FAM199X: variants seen among roughly 807,000 people sequenced by gnomAD.
FAM199X encodes family with sequence similarity 199, X-linked.
FAM199X carries 4 observed loss-of-function variants against 22.9 expected under a neutral mutation model. That is an observed-to-expected ratio of 0.17 (90% CI 0.09 to 0.40). FAM199X has a LOEUF of 0.40. Ranked by LOEUF, FAM199X falls within the 10% of genes least tolerant of loss-of-function variation. The pLI is 1.00. For missense variants in FAM199X, 183 were observed against 306.8 expected, an observed-to-expected ratio of 0.60 and a Z score of 3.01; for synonymous variants, 101 against 112.3, an observed-to-expected ratio of 0.90 and a Z score of 0.64.
intron 2 of FAM199X, among the ~76,000 whole-genome samples, chrX:104,177,517 A>G (rs1170129167): frequency 8.9e-6 from 1 of 111,964 alleles, no homozygotes; most frequent in Non-Finnish European, 1.9e-5. Flanking sequence ...ATCACTTGCT[A>G]TTTAACTTTT....
At chrX:104,161,702 G>A (rs1388678846), upstream of FAM199X, among the ~76,000 whole-genome samples, 5 of 110,492 alleles carry the variant, frequency 4.5e-5, no homozygotes, top group African/African-American at 1.3e-4. Context: ...TTAGCCGGGC[G>A]TGGTGGTTCA....
chrX:104,165,106 A>G (rs1389972511), upstream of FAM199X, among the ~76,000 whole-genome samples: 2 of 111,514 alleles, frequency 1.8e-5, no homozygotes, highest in Non-Finnish European at 3.8e-5. Flanking sequence ...ACAAACCATC[A>G]TCAGCCTCAC....
At chrX:104,183,445 T>G (rs1641774679) in intron 2 of FAM199X, among the ~76,000 whole-genome samples, 1 of 110,789 alleles carries the variant, frequency 9.0e-6, no homozygotes, top group African/African-American at 3.3e-5. Context: ...GCAGTGTTAG[T>G]TAATGAGATT....
the FAM199X span, among the ~76,000 whole-genome samples, chrX:104,159,201 A>G: frequency 1.8e-5 from 2 of 112,375 alleles, no homozygotes; most frequent in African/African-American, 3.2e-5. Flanking sequence ...CGAGCCAACA[A>G]GAGTGTCTCT....
In FAM199X at chrX:104,186,081, A is replaced by G; in HGVS notation, c.433A>G (p.Ile145Val). Residue 145 changes from isoleucine to valine, a missense_variant, in exon 3 of 6, where the codon ATT becomes GTT. This residue lies in a region of FAM199X where 128 missense variants were observed against 246.2 expected (regional missense o/e 0.52). Coordinates refer to ENST00000493442, the MANE Select transcript of FAM199X (RefSeq NM_207318.4). ...TTTTATAAAGTTACCAGGCAGTGACATTGCCAGTGGGAGTGATGTACTTTC... is the reference window on the plus strand; with the variant it reads ...TTTTATAAAGTTACCAGGCAGTGACGTTGCCAGTGGGAGTGATGTACTTTC... ...EFEWQLPGSD[I>V]ASGSDVLSDV... The G allele has an allele frequency of 8.3e-7, 1 of 1,208,185 alleles. No individual in the cohort carries two copies. The highest frequency in any genetic ancestry group is 1.1e-6 in the Non-Finnish European group (1 of 894,401).
At chrX:104,159,306 A>G in the FAM199X span, among the ~76,000 whole-genome samples, 4 of 112,151 alleles carry the variant, frequency 3.6e-5, no homozygotes, top group African/African-American at 1.3e-4. Flanking sequence ...CCTACACACC[A>G]TATCCCCATT....
At position 104,175,320 on chromosome X, in the gene FAM199X, A is replaced by G. The variant is rs543222243; in HGVS notation, c.198-303A>G. 8.9e-5 allele frequency among the ~76,000 whole-genome samples: 10 copies of G among 112,111 alleles called. No homozygotes were observed. In the South Asian group the frequency reaches 3.7e-3, roughly 41 times the overall value. On this transcript the variant is annotated intron_variant, in intron 1 of 5. Coordinates refer to ENST00000493442, the MANE Select transcript of FAM199X (RefSeq NM_207318.4). The stretch of plus-strand genomic sequence containing the variant: ...AAAATTTTCAGACAGCTACAAAGGT[A>G]GAGAGAAAAGTGTAATGGACCCCAT...
At position 104,187,650 on chromosome X, in the gene FAM199X, A is replaced by T. The variant is rs782596501; in HGVS notation, c.730-390A>T. ...CTAGCTAAGATTTAGGAAACAACCT[A>T]ATCTTAGATAAAATCAGCAGCTTAC... On this transcript the variant is annotated intron_variant, in intron 4 of 5. Coordinates refer to ENST00000493442, the MANE Select transcript of FAM199X (RefSeq NM_207318.4). Among the ~76,000 whole-genome samples the T allele has an allele frequency of 1.7e-4, 19 of 112,088 alleles. No homozygotes were observed. In the South Asian group the frequency reaches 4.8e-3, roughly 28 times the overall value.
intron 4 of FAM199X, 31 bp downstream of exon 4, chrX:104,186,652 A>G (rs782102600): frequency 1.1e-4 from 123 of 1,115,263 alleles, no homozygotes; most frequent in Non-Finnish European, 1.4e-4. Flanking sequence ...TTATTTACCT[A>G]TTAAAAATAC....
chrX:104,164,887 TATAAAATAAA>T (rs111511079), upstream of FAM199X, among the ~76,000 whole-genome samples: 7 of 111,414 alleles, frequency 6.3e-5, no homozygotes, highest in African/African-American at 2.0e-4. Context: ...CTCAAAAAAA[TATAAAATAAA>T]ATAAAATAAA....
At chrX:104,158,680 T>A in the FAM199X span, among the ~76,000 whole-genome samples, 1 of 111,960 alleles carries the variant, frequency 8.9e-6, no homozygotes, top group South Asian at 3.7e-4. Flanking sequence ...CAGGATGTTG[T>A]TATTCTTGCT....
Position 104,175,847 on chromosome X carries a change from GT to G in FAM199X, c.417+12del. On this transcript the variant is annotated splice_donor_region_variant and intron_variant, in intron 2 of 5. Transcript: ENST00000493442. Reference sequence around the variant, plus strand: ...GATAGCGAGTTTGAATGGCAGGTAAGTTTTTTTGTCCTTTTCTTGACATTGT... The same window carrying G: ...GATAGCGAGTTTGAATGGCAGGTAAGTTTTTTGTCCTTTTCTTGACATTGT... 5.9e-6 allele frequency: 7 copies of G among 1,177,430 alleles called. No individual in the cohort carries two copies. The highest frequency in any genetic ancestry group is 6.9e-6 in the Non-Finnish European group (6 of 868,883).
chrX:104,187,616 T>TC (rs1921838653), intron 4 of FAM199X, among the ~76,000 whole-genome samples: 1 of 112,227 alleles, frequency 8.9e-6, no homozygotes, highest in Non-Finnish European at 1.9e-5. Flanking sequence ...AGACAGGTAT[T>TC]GTTGGCCCCT....
At chrX:104,187,564 C>G (rs1921836970) in intron 4 of FAM199X, among the ~76,000 whole-genome samples, 1 of 112,151 alleles carries the variant, frequency 8.9e-6, no homozygotes, top group Admixed American at 9.4e-5. Context: ...TACATTCCAG[C>G]AAATTTTTCA....
Position 104,166,772 on chromosome X carries a change from G to A in FAM199X, c.-14G>A, listed in dbSNP as rs372440871. Reference sequence around the variant, plus strand: ...AGGGCCAGAGAGGGAGCCCGAGCCAGGCCATCTCCAACCATGTCCGACGAG... The same window carrying A: ...AGGGCCAGAGAGGGAGCCCGAGCCAAGCCATCTCCAACCATGTCCGACGAG... On this transcript the variant is annotated 5_prime_UTR_variant, in exon 1 of 6. Transcript: ENST00000493442. 668 of 1,195,500 alleles carry A rather than the reference G, an allele frequency of 5.6e-4. 1 individual carries two copies. The highest frequency in any genetic ancestry group is 6.0e-4 in the Non-Finnish European group (531 of 888,011).
intron 2 of FAM199X, among the ~76,000 whole-genome samples, chrX:104,184,573 A>G (rs1237927143): frequency 5.4e-5 from 6 of 111,161 alleles, no homozygotes; most frequent in African/African-American, 2.0e-4. Context: ...GTATATGCAT[A>G]TGTGCAAAAG....
rs1049514562 is a variant in FAM199X at position 104,177,550 on chromosome X, C to T, written c.417+1708C>T. On this transcript the variant is annotated intron_variant, in intron 2 of 5. Transcript: ENST00000493442. ...TTTTGAGGAACTGCCAACATGTTTT[C>T]CAGAGTGACTGCACCATTTTACTTT... Among the ~76,000 whole-genome samples, 31 of 112,120 alleles carry T rather than the reference C, an allele frequency of 2.8e-4. 1 individual carries two copies. In the Admixed American group the frequency reaches 2.8e-3, roughly 10 times the overall value.
At chrX:104,181,860 T>C (rs1921661975) in intron 2 of FAM199X, among the ~76,000 whole-genome samples, 1 of 111,649 alleles carries the variant, frequency 9.0e-6, no homozygotes, top group East Asian at 2.8e-4. Context: ...TCTTTAAGTG[T>C]ATCACTCTGA....
intron 1 of FAM199X, 49 bp downstream of exon 1, chrX:104,167,031 C>T: frequency 9.6e-7 from 1 of 1,046,551 alleles, no homozygotes; most frequent in East Asian, 3.7e-5. Context: ...TTCTGGTCGC[C>T]CCCCGCTCCT....
Sources: allele counts gnomAD v4.1 joint callset (sites outside exome capture counted in the v4.1 genomes callset), GRCh38; gene constraint gnomAD v4.1.1; regional missense constraint gnomAD v4.1.1; transcripts MANE v1.5; gene names NCBI Gene and HGNC (gene_info 2026-07-23, HGNC 2026-07-21).